LTV1: variants seen among roughly 807,000 people sequenced by gnomAD.
The protein encoded by LTV1 is LTV1 ribosome biogenesis factor.
Under a neutral mutation model 59.9 loss-of-function variants are expected in LTV1, and 39 were observed. That is an observed-to-expected ratio of 0.65 (90% confidence interval 0.50 to 0.85). The LOEUF (loss-of-function observed/expected upper bound fraction) is 0.85, where lower values mean the gene tolerates loss of function less well. Ranked by LOEUF, LTV1 falls within the 40% of genes least tolerant of loss-of-function variation. The probability of loss-of-function intolerance (pLI) is 0.00; values close to 1 mark genes in which losing one functional copy is unlikely to be tolerated. For synonymous variants in LTV1, 171 were observed against 189.5 expected (o/e 0.90, Z 0.80); for missense variants, 493 against 549.1 (o/e 0.90, Z 1.02).
intron 1 of LTV1, among the ~76,000 whole-genome samples, chr6:143,844,122 C>T (rs1209521835): frequency 7.2e-5 from 11 of 152,208 alleles, no homozygotes; most frequent in East Asian, 3.9e-4. Flanking sequence ...CGGCCAGGGG[C>T]CTTCCCTGAG....
Position 143,857,123 on chromosome 6 carries a change from C to T in LTV1, c.398-180C>T, listed in dbSNP as rs1777089814. 6.6e-6 allele frequency among the ~76,000 whole-genome samples: 1 copy of T among 152,114 alleles called. No individual in the cohort carries two copies. The highest frequency in any genetic ancestry group is 6.5e-5 in the Admixed American group (1 of 15,268). On this transcript the variant is annotated intron_variant, in intron 4 of 10. Transcript: ENST00000367576. This position sits in a 1 kb window ranked among gnomAD's most constrained non-coding sequence, Gnocchi z 5.2. ...TGGGGCTGAGGCAGCATTTTGTTTC[C>T]TTTTTTTGTCTTGGAGTGTTCATTC...
In LTV1 at chr6:143,863,597, AG is replaced by A. The variant is rs1353086478; in HGVS notation, c.*71del. 2.0e-6 allele frequency: 2 copies of A among 998,930 alleles called. No homozygotes were observed. The highest frequency in any genetic ancestry group is 3.0e-6 in the Non-Finnish European group (2 of 675,918). The allele number at this position is 998,930 out of a possible 1,614,324, so 61.9% of individuals were successfully genotyped here. On this transcript the variant is annotated 3_prime_UTR_variant, in exon 11 of 11. Coordinates refer to ENST00000367576, the MANE Select transcript of LTV1 (RefSeq NM_032860.5). This position sits in a 1 kb window ranked among gnomAD's most constrained non-coding sequence, Gnocchi z 4.5. ...TCTTTGGTTATTGACTAGAAACTTC[AG>A]AAAGACAAAACTGTTTGCCATTTTT...
chr6:143,851,361 T>C (rs960233897), intron 4 of LTV1, among the ~76,000 whole-genome samples: 1 of 152,092 alleles, frequency 6.6e-6, no homozygotes, highest in African/African-American at 2.4e-5. Flanking sequence ...AAGAAACAGG[T>C]AGGTATTTAT....
At position 143,863,278 on chromosome 6, in the gene LTV1, G is replaced by A. The variant is rs762296978; in HGVS notation, c.1309G>A (p.Glu437Lys). Residue 437 changes from glutamate (E) to lysine (K), a missense_variant, in exon 10 of 11, where the codon GAG becomes AAG. Glu to Lys is a moderately conservative substitution (Grantham distance 56, BLOSUM62 1). Coordinates refer to ENST00000367576, the MANE Select transcript of LTV1 (RefSeq NM_032860.5). The surrounding 1 kb of genome is among the most constrained non-coding windows in gnomAD (Gnocchi z 4.5). ...KRARKQAIKE[E>K]RKERRVEKKA... is the part of the protein sequence containing the mutation. ...AGCAAGAAAGCAAGCTATAAAAGAA[G>A]AGCGCAAGGTAAAATATATTTTTCA... The A allele has an allele frequency of 2.5e-6, 4 of 1,613,390 alleles. No individual in the cohort carries two copies. Among genetic ancestry groups the A allele is most frequent in the Admixed American group, 1.7e-5 (1 of 59,916 alleles).
chr6:143,850,111 T>C lies in LTV1; in HGVS notation c.310-20T>C. The C allele has an allele frequency of 3.1e-6, 5 of 1,596,500 alleles. No homozygotes were observed. The highest frequency in any genetic ancestry group is 4.3e-6 in the Non-Finnish European group (5 of 1,165,930). On this transcript the variant is annotated intron_variant, in intron 3 of 10. Transcript: ENST00000367576. The stretch of plus-strand genomic sequence containing the variant: ...AGAATTTCCAAATAAACCTAACCAT[T>C]GTGCAATTTCTTTTTCAAGAGCACT...
intron 6 of LTV1, 92 bp from the exon 7 acceptor site, chr6:143,860,334 A>G: frequency 9.6e-7 from 1 of 1,039,158 alleles, no homozygotes; most frequent in Non-Finnish European, 1.4e-6. Flanking sequence ...ACTATTGTGT[A>G]AGAATAAAGT....
intron 7 of LTV1, among the ~76,000 whole-genome samples, chr6:143,861,452 A>G (rs991961479): frequency 1.3e-5 from 2 of 152,086 alleles, no homozygotes; most frequent in South Asian, 2.1e-4. Flanking sequence ...AAAAAGAAAT[A>G]AAGGGACACA....
At position 143,857,299 on chromosome 6, in the gene LTV1, C is replaced by G. The variant is rs1359366885; in HGVS notation, c.398-4C>G. On this transcript the variant is annotated splice_polypyrimidine_tract_variant and splice_region_variant and intron_variant, in intron 4 of 10. Transcript: ENST00000367576. This position sits in a 1 kb window ranked among gnomAD's most constrained non-coding sequence, Gnocchi z 5.2. ...TTACTGCTTAATTTTTGTTTTCCTT[C>G]TAGGACCTCGACTGGATTTTGATCC... 2.5e-6 allele frequency: 4 copies of G among 1,613,392 alleles called. No homozygotes were observed. The highest frequency in any genetic ancestry group is 2.7e-5 in the African/African-American group (2 of 74,908).
chr6:143,859,208 T>C (rs1777124698), intron 6 of LTV1, among the ~76,000 whole-genome samples: 1 of 152,258 alleles, frequency 6.6e-6, no homozygotes, highest in Admixed American at 6.5e-5. Context: ...TTTTGAAAGC[T>C]TGTATTTTCA....
chr6:143,856,124 G>T (rs767288715), intron 4 of LTV1, among the ~76,000 whole-genome samples: 1 of 152,200 alleles, frequency 6.6e-6, no homozygotes, highest in Admixed American at 6.5e-5. Context: ...TGGAGGCTTT[G>T]TTCGTTCCTT....
intron 4 of LTV1, among the ~76,000 whole-genome samples, chr6:143,856,560 ATCT>A (rs1446783011): frequency 6.6e-6 from 1 of 152,054 alleles, no homozygotes; most frequent in African/African-American, 2.4e-5. Context: ...GTTTTTCCTC[ATCT>A]TCTTGGATTT....
rs770630144 is a variant in LTV1, at chr6:143,857,799, A to T, written c.587A>T (p.Glu196Val). ...AGCGAGTGGGAAGATGTGGATGATG[A>T]GAAGGGAGATAGCAATGATGACTAT... ...DDSEWEDVDDEKGDSNDDYDS... is the reference protein window; with the variant it reads ...DDSEWEDVDDVKGDSNDDYDS... Residue 196 changes from glutamate to valine, a missense_variant, in exon 6 of 11, where the codon GAG (glutamate) becomes GTG (valine). Transcript: ENST00000367576. This position sits in a 1 kb window ranked among gnomAD's most constrained non-coding sequence, Gnocchi z 5.2. 5 of 1,614,030 alleles carry T rather than the reference A, an allele frequency of 3.1e-6. No homozygotes were observed. Among genetic ancestry groups the T allele is most frequent in the Middle Eastern group, 1.6e-4 (1 of 6,062 alleles).
chr6:143,846,000 C>G, intron 2 of LTV1, 51 bp from the exon 3 acceptor site: 1 of 1,562,992 alleles, frequency 6.4e-7, no homozygotes, highest in Non-Finnish European at 8.8e-7. Context: ...CTTACTGATT[C>G]CATTTTGTTT....
At chr6:143,843,514 G>T in intron 1 of LTV1, 34 bp downstream of exon 1, 2 of 1,613,148 alleles carry the variant, frequency 1.2e-6, no homozygotes, top group East Asian at 2.2e-5. Context: ...GCGGCCGAGC[G>T]CTGTGGTTTT....
At position 143,855,391 on chromosome 6, in the gene LTV1, T is replaced by TTTA. The variant is rs2128491703; in HGVS notation, c.398-1910_398-1908dup. The stretch of plus-strand genomic sequence containing the variant: ...ACAGCACACTGATGGGTCTTGACTC[T>TTTA]TTATCCAATTTGCCAATCTGTGTCT... On this transcript the variant is annotated intron_variant, in intron 4 of 10. Coordinates refer to ENST00000367576, the MANE Select transcript of LTV1 (RefSeq NM_032860.5). This position sits in a 1 kb window ranked among gnomAD's most constrained non-coding sequence, Gnocchi z 4.6. Among the ~76,000 whole-genome samples, 1 of 152,326 alleles carries TTTA rather than the reference T, an allele frequency of 6.6e-6. No individual in the cohort carries two copies. The highest frequency in any genetic ancestry group is 2.4e-5 in the African/African-American group (1 of 41,578).
rs200284526 is a variant in LTV1, at chr6:143,857,982, C to G, written c.770C>G (p.Thr257Ser). The G allele has an allele frequency of 4.3e-6, 7 of 1,613,914 alleles. No individual in the cohort carries two copies. The African/African-American group carries it at 5.3e-5, about 12-fold the overall frequency. Residue 257 changes from threonine (T) to serine (S), a missense_variant, in exon 6 of 11, where the codon ACC becomes AGC. Physicochemically the swap from Thr to Ser is moderately conservative, Grantham distance 58. Transcript: ENST00000367576. This position sits in a 1 kb window ranked among gnomAD's most constrained non-coding sequence, Gnocchi z 5.2. ...SSVMRRNEQLTLHDERFEKFY... is the reference protein window; with the variant it reads ...SSVMRRNEQLSLHDERFEKFY... ...GTCATGAGGAGAAATGAACAGCTGA[C>G]CCTACATGATGAGAGGTTTGAGAAG...
chr6:143,847,933 T>G (rs1233963926), intron 3 of LTV1, among the ~76,000 whole-genome samples: 1 of 152,128 alleles, frequency 6.6e-6, no homozygotes, highest in Non-Finnish European at 1.5e-5. Flanking sequence ...TGTAAGACAG[T>G]GTAAAAAGGC....
intron 6 of LTV1, chr6:143,858,388 G>C (rs1308514294): frequency 5.3e-6 from 1 of 188,502 alleles, no homozygotes; most frequent in Non-Finnish European, 1.1e-5. Flanking sequence ...CAACTCACTT[G>C]AGTTTCTATT....
intron 6 of LTV1, 75 bp from the exon 7 acceptor site, chr6:143,860,350 TA>T (rs1179684581): frequency 2.4e-5 from 33 of 1,347,730 alleles, no homozygotes; most frequent in Non-Finnish European, 3.1e-5. Context: ...AAAGTTAATG[TA>T]AAAAAATTTT....
Sources: allele counts gnomAD v4.1 joint callset (sites outside exome capture counted in the v4.1 genomes callset), GRCh38; gene constraint gnomAD v4.1.1; non-coding constraint Gnocchi (gnomAD v3.1); transcripts MANE v1.5; gene names NCBI Gene and HGNC (gene_info 2026-07-23, HGNC 2026-07-21).